The following MFSD8 variants were observed in gnomAD, a reference collection of about 807,000 sequenced individuals.
MFSD8 encodes the protein major facilitator superfamily domain-containing protein 8.
A neutral mutation model predicts 66.4 loss-of-function variants in MFSD8; 55 were observed. That is an observed-to-expected ratio of 0.83 (90% CI 0.67 to 1.04). MFSD8 has a LOEUF of 1.04. Ranked by LOEUF, MFSD8 falls within the 50% of genes least tolerant of loss-of-function variation. The pLI, the probability that MFSD8 is intolerant of heterozygous loss-of-function variation, is 0.00. For synonymous variants in MFSD8, 202 were observed against 212.8 expected (o/e 0.95, Z 0.44); for missense variants, 550 against 627.6 (o/e 0.88, Z 1.32).
At chr4:127,937,512 T>G (rs777100446) in intron 7 of MFSD8, among the ~76,000 whole-genome samples, 1 of 152,194 alleles carries the variant, frequency 6.6e-6, no homozygotes, top group African/African-American at 2.4e-5. Context: ...AAATTAATAC[T>G]TTTACACTGT....
chr4:127,932,885 C>T lies in MFSD8; in HGVS notation c.863+100G>A, dbSNP rs1256963955. The stretch of plus-strand genomic sequence containing the variant: ...ATCATGGTAAGAAAAATTTGCCTTA[C>T]ATAAGATTTTCAATAACATCTATAT... On this transcript the variant is annotated intron_variant, in intron 8 of 11. Transcript: ENST00000641686. 3.7e-6 allele frequency: 4 copies of T among 1,076,220 alleles called. No homozygotes were observed. In the African/African-American group the frequency reaches 4.8e-5, roughly 13 times the overall value. 66.7% of individuals were successfully genotyped at this position (1,076,220 alleles called of 1,614,324 possible). A position where few individuals can be genotyped will look rare whatever the true frequency, so the allele number is the denominator to read the frequency against.
In MFSD8 at chr4:127,921,608, TGA is replaced by T; in HGVS notation, c.1264_1265del (p.Ala423CysfsTer98). 6.2e-7 allele frequency: 1 copy of T among 1,614,192 alleles called. No homozygotes were observed. ...PVIHLAQFLT[S>X]AVLIGLGYPV... ...GATAGCCTAATCCTATTAGCACAGC[TGA>T]TGTAAGGAACTGGGCCAGATGAATC... On this transcript the variant is annotated frameshift_variant, in exon 11 of 12. Coordinates refer to ENST00000641686, the MANE Select transcript of MFSD8 (RefSeq NM_001371596.2). LOFTEE classifies it high-confidence loss of function.
At chr4:127,930,111 G>A (rs1326967505) in intron 9 of MFSD8, among the ~76,000 whole-genome samples, 4 of 152,042 alleles carry the variant, frequency 2.6e-5, no homozygotes, top group Non-Finnish European at 5.9e-5. Flanking sequence ...AGCCAGGTGT[G>A]GTGGTCATGC....
intron 9 of MFSD8, among the ~76,000 whole-genome samples, chr4:127,929,654 C>T (rs902886063): frequency 2.6e-5 from 4 of 150,984 alleles, no homozygotes; most frequent in African/African-American, 9.7e-5. Context: ...CCAGAGGCCA[C>T]GAATAATAGC....
chr4:127,956,140 A>T (rs752543750), intron 2 of MFSD8, among the ~76,000 whole-genome samples: 2 of 151,350 alleles, frequency 1.3e-5, no homozygotes, highest in African/African-American at 2.4e-5. Context: ...AAATAATAAA[A>T]TTTTTTTAAA....
At chr4:127,951,291 C>T (rs1741912459) in intron 2 of MFSD8, among the ~76,000 whole-genome samples, 1 of 151,494 alleles carries the variant, frequency 6.6e-6, no homozygotes, top group Non-Finnish European at 1.5e-5. Flanking sequence ...GTGTAGTGAC[C>T]CGATCTCGGC....
At position 127,943,747 on chromosome 4, in the gene MFSD8, C is replaced by T. The variant is rs1740585969; in HGVS notation, c.439+5G>A. ...ACACAACCAAACATATACATACAAC[C>T]TTACCTGCTCCAATTCCCAACAATC... On this transcript the variant is annotated splice_donor_5th_base_variant and intron_variant, in intron 4 of 11. Coordinates refer to ENST00000641686, the MANE Select transcript of MFSD8 (RefSeq NM_001371596.2). 4.3e-6 allele frequency: 7 copies of T among 1,614,052 alleles called. No homozygotes were observed. Among genetic ancestry groups the T allele is most frequent in the South Asian group, 2.2e-5 (2 of 91,030 alleles).
At chr4:127,944,046 C>G in intron 3 of MFSD8, 54 bp from the exon 4 acceptor site, 1 of 1,610,500 alleles carries the variant, frequency 6.2e-7, no homozygotes, top group Middle Eastern at 1.7e-4. Context: ...AAGTTTAAAA[C>G]TAAATACATT....
chr4:127,940,050 A>T (rs980464597), intron 5 of MFSD8, 53 bp from the exon 6 acceptor site: 1 of 1,475,398 alleles, frequency 6.8e-7, no homozygotes, highest in African/African-American at 1.4e-5. Flanking sequence ...AGCATAGGAT[A>T]AAAAAATGAA....
intron 2 of MFSD8, among the ~76,000 whole-genome samples, chr4:127,957,173 A>T (rs1743026172): frequency 6.6e-6 from 1 of 152,196 alleles, no homozygotes; most frequent in Non-Finnish European, 1.5e-5. Context: ...AAAAAATACT[A>T]TATAATTCCA....
chr4:127,926,599 T>C (rs1052222863), intron 9 of MFSD8, among the ~76,000 whole-genome samples: 3 of 152,126 alleles, frequency 2.0e-5, no homozygotes, highest in African/African-American at 7.2e-5. Context: ...AGCACTGCTC[T>C]ACTTCTGTAG....
intron 9 of MFSD8, among the ~76,000 whole-genome samples, chr4:127,924,438 C>T (rs1736864510): frequency 6.6e-6 from 1 of 152,134 alleles, no homozygotes; most frequent in Non-Finnish European, 1.5e-5. Flanking sequence ...CATTCCTATA[C>T]ACCAATAACA....
intron 2 of MFSD8, among the ~76,000 whole-genome samples, chr4:127,956,500 G>GA (rs781476965): frequency 0.014 from 1,496 of 104,108 alleles, 26 homozygotes; most frequent in African/African-American, 0.043. Context: ...ACTCCGTCTT[G>GA]AAAAAAAAAA....
intron 8 of MFSD8, chr4:127,932,481 A>ATGTAC (rs1255888971): frequency 6.6e-6 from 1 of 152,538 alleles, no homozygotes; most frequent in East Asian, 1.9e-4. Flanking sequence ...TGGGATTTGA[A>ATGTAC]TGTACTATTT....
chr4:127,957,615 T>A, intron 1 of MFSD8, 23 bp from the exon 2 acceptor site: 1 of 1,504,768 alleles, frequency 6.6e-7, no homozygotes, highest in Non-Finnish European at 9.2e-7. Context: ...AAGAAAAAAG[T>A]AGTATAAATT....
At chr4:127,929,117 C>A (rs1241322025) in intron 9 of MFSD8, among the ~76,000 whole-genome samples, 2 of 150,838 alleles carry the variant, frequency 1.3e-5, no homozygotes, top group Non-Finnish European at 3.0e-5. Context: ...GTCAGGAGAT[C>A]GAGACCATCC....
intron 9 of MFSD8, among the ~76,000 whole-genome samples, chr4:127,929,931 A>C (rs1026981162): frequency 6.6e-6 from 1 of 152,216 alleles, no homozygotes; most frequent in African/African-American, 2.4e-5. Context: ...ACATATGTAC[A>C]TCTATCATGT....
chr4:127,960,382 T>G (rs112734983), intron 1 of MFSD8, among the ~76,000 whole-genome samples: 25 of 152,074 alleles, frequency 1.6e-4, no homozygotes, highest in African/African-American at 5.5e-4. Context: ...ATACAAAAAT[T>G]AGCCAGGCGT....
chr4:127,919,982 T>G lies in MFSD8; in HGVS notation c.*648A>C, dbSNP rs1736147822. 6.5e-6 allele frequency: 1 copy of G among 154,236 alleles called. No homozygotes were observed. 9.6% of individuals were successfully genotyped at this position (154,236 alleles called of 1,614,324 possible). On this transcript the variant is annotated 3_prime_UTR_variant, in exon 12 of 12. Transcript: ENST00000641686. ...CCTCTGTATTGCTCAAATATTAGCA[T>G]TATCCATACTCATTTATTAATGTAG...
Sources: allele counts gnomAD v4.1 joint callset (sites outside exome capture counted in the v4.1 genomes callset), GRCh38; gene constraint gnomAD v4.1.1; transcripts MANE v1.5; gene names NCBI Gene and HGNC (gene_info 2026-07-23, HGNC 2026-07-21).